Variants in TRIQK observed in about 807,000 individuals in gnomAD.
TRIQK encodes the protein triple QxxK/R motif containing.
A neutral mutation model predicts 10.8 loss-of-function variants in TRIQK; 10 were observed. That is an observed-to-expected ratio of 0.92 (90% CI 0.57 to 1.57). TRIQK has a LOEUF of 1.57. Ranked by LOEUF, TRIQK falls within the 40% of genes most tolerant of loss-of-function variation. TRIQK has a pLI of 0.00. For missense variants in TRIQK, 107 were observed against 97.7 expected (o/e 1.09, Z -0.40); for synonymous variants, 33 against 33.7 (o/e 0.98, Z 0.07).
rs543044679 is a variant in TRIQK at position 92,931,207 on chromosome 8, T to C, written c.-21-14197A>G. On this transcript the variant is annotated intron_variant, in intron 2 of 4. Transcript: ENST00000521988. ...GTAAACAAAATGTTCTGATACACTT[T>C]AAGTCTTATCAAAATCACTACTAAT... is the stretch of plus-strand genomic sequence containing the variant. Among the ~76,000 whole-genome samples the C allele has an allele frequency of 7.7e-4, 118 of 152,334 alleles. 1 individual carries two copies. The highest frequency in any genetic ancestry group is 2.8e-3 in the African/African-American group (115 of 41,578).
At chr8:92,959,556 A>C (rs1031601908) in intron 1 of TRIQK, among the ~76,000 whole-genome samples, 6 of 151,562 alleles carry the variant, frequency 4.0e-5, no homozygotes, top group Non-Finnish European at 8.8e-5. Context: ...GCATTATCTC[A>C]TAATAAGCTG....
intron 3 of TRIQK, among the ~76,000 whole-genome samples, chr8:92,915,371 A>G (rs1459755883): frequency 2.0e-5 from 3 of 152,186 alleles, no homozygotes; most frequent in Non-Finnish European, 2.9e-5. Context: ...CCACACACAG[A>G]AAAGGTACTA....
At chr8:92,922,849 G>T (rs1439470071) in intron 2 of TRIQK, among the ~76,000 whole-genome samples, 1 of 151,514 alleles carries the variant, frequency 6.6e-6, no homozygotes. Context: ...TAAAATTTTT[G>T]TTCTAGTTAT....
At chr8:92,917,396 A>G (rs1396763896) in intron 2 of TRIQK, among the ~76,000 whole-genome samples, 1 of 152,062 alleles carries the variant, frequency 6.6e-6, no homozygotes, top group Non-Finnish European at 1.5e-5. Context: ...TATACTTACT[A>G]TGTTACATTA....
At chr8:92,967,537 T>A (rs1366249535), upstream of TRIQK, among the ~76,000 whole-genome samples, 2 of 152,092 alleles carry the variant, frequency 1.3e-5, no homozygotes, top group Non-Finnish European at 2.9e-5. Flanking sequence ...AAATATTTGG[T>A]TTGGCCAGGT....
At chr8:92,989,106 C>T (rs1231712782) in intron 1 of TRIQK, among the ~76,000 whole-genome samples, 1 of 150,286 alleles carries the variant, frequency 6.7e-6, no homozygotes, top group Non-Finnish European at 1.5e-5. Context: ...AAAGATAATA[C>T]TGCATATCAG....
chr8:92,963,445 A>G (rs1812556001), intron 1 of TRIQK: 1 of 151,996 alleles, frequency 6.6e-6, no homozygotes, highest in South Asian at 2.1e-4. Context: ...TTAAAATGTT[A>G]TAAAAGATTA....
chr8:92,953,072 C>T (rs1351430219), intron 2 of TRIQK, among the ~76,000 whole-genome samples: 1 of 152,004 alleles, frequency 6.6e-6, no homozygotes, highest in Admixed American at 6.6e-5. Context: ...CCCCAGCAGC[C>T]TTTCATAAGT....
chr8:92,912,127 T>C (rs1161843847), intron 3 of TRIQK, among the ~76,000 whole-genome samples: 1 of 151,566 alleles, frequency 6.6e-6, no homozygotes, highest in Non-Finnish European at 1.5e-5. Flanking sequence ...GCATACATAT[T>C]CTTCTCAAGT....
intron 1 of TRIQK, among the ~76,000 whole-genome samples, chr8:92,976,805 T>G (rs2130741187): frequency 6.6e-6 from 1 of 151,914 alleles, no homozygotes; most frequent in Middle Eastern, 3.4e-3. Context: ...TTTTTAATGG[T>G]TTTTTTGTGG....
chr8:92,950,884 A>G (rs1322583341), intron 2 of TRIQK, among the ~76,000 whole-genome samples: 1 of 152,130 alleles, frequency 6.6e-6, no homozygotes, highest in Non-Finnish European at 1.5e-5. Flanking sequence ...ATAACATTAT[A>G]CAGGTCTCCC....
chr8:92,958,625 G>T (rs1265018716), intron 1 of TRIQK, among the ~76,000 whole-genome samples: 1 of 151,936 alleles, frequency 6.6e-6, no homozygotes, highest in Non-Finnish European at 1.5e-5. Flanking sequence ...GATTCCTGAG[G>T]TTAACCTTAA....
chr8:93,002,868 C>G (rs903489376), intron 1 of TRIQK, among the ~76,000 whole-genome samples: 1 of 151,144 alleles, frequency 6.6e-6, no homozygotes, highest in African/African-American at 2.4e-5. Flanking sequence ...TGCAGTGACC[C>G]GAGATCCTGC....
chr8:92,939,608 A>G (rs562909113), intron 2 of TRIQK, among the ~76,000 whole-genome samples: 66 of 152,208 alleles, frequency 4.3e-4, no homozygotes, highest in African/African-American at 1.6e-3. Flanking sequence ...TCCTCCACAG[A>G]TCTCAGAGAA....
upstream of TRIQK, among the ~76,000 whole-genome samples, chr8:92,968,005 CA>C (rs1812829547): frequency 6.6e-6 from 1 of 151,876 alleles, no homozygotes; most frequent in South Asian, 2.1e-4. Flanking sequence ...AATATTCTCA[CA>C]TATGTAAGAT....
chr8:93,014,535 GT>G (rs1813365356), intron 1 of TRIQK, among the ~76,000 whole-genome samples: 1 of 151,996 alleles, frequency 6.6e-6, no homozygotes, highest in Non-Finnish European at 1.5e-5. Flanking sequence ...ACTGGTTTTG[GT>G]TTTTTGGTTT....
intron 1 of TRIQK, among the ~76,000 whole-genome samples, chr8:93,006,522 G>A (rs1227895782): frequency 1.3e-5 from 2 of 152,146 alleles, no homozygotes; most frequent in African/African-American, 2.4e-5. Context: ...TCCCAGTGGC[G>A]ACTAAGACTG....
chr8:92,941,057 A>T (rs558751544), intron 2 of TRIQK: 22 of 152,104 alleles, frequency 1.4e-4, no homozygotes, highest in African/African-American at 4.6e-4. Flanking sequence ...TAAAAGGGAA[A>T]TTTATTTATT....
intron 1 of TRIQK, among the ~76,000 whole-genome samples, chr8:93,009,670 C>T (rs542338582): frequency 6.6e-6 from 1 of 151,792 alleles, no homozygotes; most frequent in South Asian, 2.1e-4. Context: ...AACCCTTACA[C>T]AGGCTATTCA....
Sources: allele counts gnomAD v4.1 joint callset (sites outside exome capture counted in the v4.1 genomes callset), GRCh38; gene constraint gnomAD v4.1.1; transcripts MANE v1.5; gene names NCBI Gene and HGNC (gene_info 2026-07-23, HGNC 2026-07-21).